GTF2IRD1: variants seen among roughly 807,000 people sequenced by gnomAD.
The protein encoded by GTF2IRD1 is general transcription factor II-I repeat domain-containing protein 1.
A neutral mutation model predicts 113.2 loss-of-function variants in GTF2IRD1; 26 were observed. That is an observed-to-expected ratio of 0.23 (90% CI 0.17 to 0.32). GTF2IRD1 has a LOEUF of 0.32. Ranked by LOEUF, GTF2IRD1 falls within the 10% of genes least tolerant of loss-of-function variation. The pLI, the probability that GTF2IRD1 is intolerant of heterozygous loss-of-function variation, is 1.00. For synonymous variants in GTF2IRD1, 484 were observed against 529.1 expected (o/e 0.91, Z 1.17); for missense variants, 864 against 1,280.8 (o/e 0.67, Z 4.97).
intron 22 of GTF2IRD1, among the ~76,000 whole-genome samples, chr7:74,562,780 G>A (rs1176869374): frequency 6.6e-6 from 1 of 151,880 alleles, no homozygotes; most frequent in Non-Finnish European, 1.5e-5. Context: ...GTCCAGGCTG[G>A]TTGACCAGGC....
intron 1 of GTF2IRD1, among the ~76,000 whole-genome samples, chr7:74,476,366 C>CTTTT (rs61151844): frequency 1.2e-4 from 15 of 122,158 alleles, no homozygotes; most frequent in Middle Eastern, 4.5e-3. Context: ...TCTGAACCTC[C>CTTTT]TTTTTTTTTT....
In GTF2IRD1 at chr7:74,569,211, A is replaced by G. The variant is rs186186014; in HGVS notation, c.2320+9556A>G. Among the ~76,000 whole-genome samples, 12 of 152,306 alleles carry G rather than the reference A, an allele frequency of 7.9e-5. No homozygotes were observed. The East Asian group carries it at 2.3e-3, about 29-fold the overall frequency. ...CCCTAGGCCAGGGGCCAGTCCCTGC[A>G]GAGATTAGGAGCTGGGAAATCCCCT... On this transcript the variant is annotated intron_variant, in intron 22 of 26. Transcript: ENST00000424337.
intron 25 of GTF2IRD1, 78 bp from the exon 26 acceptor site, chr7:74,600,966 A>G: frequency 2.0e-6 from 3 of 1,509,234 alleles, no homozygotes; most frequent in South Asian, 2.3e-5. Context: ...AAGACAGAGC[A>G]CTTTTCCAGG....
intron 21 of GTF2IRD1, 129 bp downstream of exon 21, chr7:74,559,173 C>A: frequency 1.2e-6 from 1 of 823,896 alleles, no homozygotes; most frequent in Non-Finnish European, 1.9e-6. Flanking sequence ...TGGCACCATC[C>A]TGGGTCCTGG....
chr7:74,502,937 C>T (rs1371744826), intron 1 of GTF2IRD1, among the ~76,000 whole-genome samples: 1 of 152,110 alleles, frequency 6.6e-6, no homozygotes, highest in African/African-American at 2.4e-5. Flanking sequence ...GAGGCCGAGG[C>T]GGGCGGATCA....
chr7:74,567,313 C>T (rs1583907524), intron 22 of GTF2IRD1, among the ~76,000 whole-genome samples: 1 of 151,202 alleles, frequency 6.6e-6, no homozygotes, highest in South Asian at 2.1e-4. Context: ...GGCGACACAG[C>T]GAGACCCTGT....
intron 1 of GTF2IRD1, among the ~76,000 whole-genome samples, chr7:74,488,261 A>C (rs1795133945): frequency 6.6e-6 from 1 of 152,050 alleles, no homozygotes; most frequent in African/African-American, 2.4e-5. Flanking sequence ...TCCAGCCTAG[A>C]GACAGAGTGA....
intron 23 of GTF2IRD1, among the ~76,000 whole-genome samples, chr7:74,590,237 C>T (rs1431553349): frequency 1.3e-5 from 2 of 151,888 alleles, no homozygotes; most frequent in Admixed American, 6.6e-5. Flanking sequence ...TGCGCCAACA[C>T]TCCCGGCTAA....
intron 1 of GTF2IRD1, among the ~76,000 whole-genome samples, chr7:74,484,832 A>T (rs1477746858): frequency 6.6e-6 from 1 of 152,098 alleles, no homozygotes; most frequent in East Asian, 1.9e-4. Flanking sequence ...TCATCATCGG[A>T]CGCTGGGACG....
chr7:74,569,473 G>A (rs1377486135), intron 22 of GTF2IRD1, among the ~76,000 whole-genome samples: 1 of 152,128 alleles, frequency 6.6e-6, no homozygotes, highest in Non-Finnish European at 1.5e-5. Context: ...TGTGCAGTGA[G>A]GGGGGGATGG....
At chr7:74,553,146 G>GTTT (rs1337232041) in intron 17 of GTF2IRD1, among the ~76,000 whole-genome samples, 1 of 147,478 alleles carries the variant, frequency 6.8e-6, no homozygotes, top group African/African-American at 2.5e-5. Flanking sequence ...CCTTTTGTGG[G>GTTT]TTTTTTTTGA....
At chr7:74,590,550 G>A (rs1180655671) in intron 23 of GTF2IRD1, among the ~76,000 whole-genome samples, 4 of 151,826 alleles carry the variant, frequency 2.6e-5, no homozygotes, top group Admixed American at 6.6e-5. Context: ...CACCACGCCC[G>A]GCTAATTTTT....
Position 74,601,155 on chromosome 7 carries a change from C to T in GTF2IRD1, c.2741C>T (p.Ala914Val). The change falls in exon 26 of 27, where the codon GCA becomes GTA. Residue 914 changes from alanine to valine, a missense_variant. Ala to Val is a moderately conservative substitution (Grantham distance 64, BLOSUM62 0). Coordinates refer to ENST00000424337, the MANE Select transcript of GTF2IRD1 (RefSeq NM_005685.4). ...SSSSSNPDSV[A>V]SANQISLVQW... ...TCGTCCTCTAACCCGGATTCAGTGGCATCGGCCAACCAGATCTCACTCGTG... is the reference window on the plus strand; with the variant it reads ...TCGTCCTCTAACCCGGATTCAGTGGTATCGGCCAACCAGATCTCACTCGTG... 1 of 1,604,268 alleles carries T rather than the reference C, an allele frequency of 6.2e-7. No homozygotes were observed. The highest frequency in any genetic ancestry group is 1.1e-5 in the South Asian group (1 of 89,828).
At chr7:74,546,274 T>C in intron 16 of GTF2IRD1, among the ~76,000 whole-genome samples, 1 of 135,654 alleles carries the variant, frequency 7.4e-6, no homozygotes, top group Admixed American at 8.6e-5. Context: ...CAGGCTGGGG[T>C]GTGGTGGCGC....
At chr7:74,592,396 C>T (rs1278565472) in intron 24 of GTF2IRD1, among the ~76,000 whole-genome samples, 2 of 151,228 alleles carry the variant, frequency 1.3e-5, no homozygotes, top group Non-Finnish European at 2.9e-5. Context: ...TGAGTCACCA[C>T]ACCCAGCCCC....
Position 74,560,481 on chromosome 7 carries a change from A to AT in GTF2IRD1, c.2320+826_2320+827insT, listed in dbSNP as rs1300421826. Among the ~76,000 whole-genome samples, 153 of 147,286 alleles carry AT rather than the reference A, an allele frequency of 1.0e-3. 2 individuals are homozygous for AT. Among genetic ancestry groups the AT allele is most frequent in the African/African-American group, 2.8e-3 (114 of 40,736 alleles). On this transcript the variant is annotated intron_variant, in intron 22 of 26. Coordinates refer to ENST00000424337, the MANE Select transcript of GTF2IRD1 (RefSeq NM_005685.4). ...ATAATAAAATATATACATAATAAAA[A>AT]ATATATATAATAAAAATATTATATA... is the stretch of plus-strand genomic sequence containing the variant.
intron 1 of GTF2IRD1, among the ~76,000 whole-genome samples, chr7:74,472,811 G>A (rs1260623802): frequency 6.6e-6 from 1 of 152,196 alleles, no homozygotes; most frequent in Non-Finnish European, 1.5e-5. Context: ...CTTGGTCTGG[G>A]CCTCCTTGCC....
chr7:74,575,522 G>A (rs1286665048), intron 22 of GTF2IRD1, among the ~76,000 whole-genome samples: 1 of 152,232 alleles, frequency 6.6e-6, no homozygotes, highest in Non-Finnish European at 1.5e-5. Flanking sequence ...GGACAGACAA[G>A]GGTGGAGAGA....
chr7:74,484,546 C>T (rs1481767093), intron 1 of GTF2IRD1, among the ~76,000 whole-genome samples: 1 of 151,734 alleles, frequency 6.6e-6, no homozygotes, highest in Non-Finnish European at 1.5e-5. Context: ...GCAACCTCCA[C>T]CCTCCGGGTT....
Sources: gnomAD v4.1 joint callset for allele counts (sites outside exome capture counted in the v4.1 genomes callset) on GRCh38, gnomAD v4.1.1 for gene constraint, MANE v1.5 for transcripts, NCBI Gene and HGNC (gene_info 2026-07-23, HGNC 2026-07-21) for gene names.